Variants in RUNX1 observed in about 807,000 individuals in gnomAD.
The protein encoded by RUNX1 is RUNX family transcription factor 1, also known as runt-related transcription factor 1.
RUNX1 carries 19 observed loss-of-function variants against 42.8 expected under a neutral mutation model. The observed-to-expected ratio is 0.44, with a 90% CI of 0.31 to 0.65. The LOEUF is 0.65. Among genes scored for constraint, RUNX1 ranks in the 30% least tolerant of loss-of-function variants. The probability of loss-of-function intolerance (pLI) is 0.07; values close to 1 mark genes in which losing one functional copy is unlikely to be tolerated. For synonymous variants in RUNX1, 271 were observed against 289.4 expected, an observed-to-expected ratio of 0.94 and a Z score of 0.64; for missense variants, 528 against 672.0, an observed-to-expected ratio of 0.79 and a Z score of 2.37.
chr21:34,949,552 T>C (rs2058591189), intron 2 of RUNX1, among the ~76,000 whole-genome samples: 1 of 152,218 alleles, frequency 6.6e-6, no homozygotes, highest in African/African-American at 2.4e-5. Flanking sequence ...AACCTACCAG[T>C]GGAATGAGGC....
At chr21:34,932,570 T>A (rs1051967048) in intron 2 of RUNX1, among the ~76,000 whole-genome samples, 5 of 152,102 alleles carry the variant, frequency 3.3e-5, no homozygotes, top group African/African-American at 1.2e-4. Context: ...TATTGAGGAG[T>A]CCATTATGTG....
At chr21:34,817,944 C>G (rs1411248593) in intron 7 of RUNX1, among the ~76,000 whole-genome samples, 1 of 152,164 alleles carries the variant, frequency 6.6e-6, no homozygotes, top group Non-Finnish European at 1.5e-5. Context: ...GTCCTGGTGG[C>G]CTGCTCTGTC....
At chr21:35,034,808 TG>T (rs1209761480) in intron 2 of RUNX1, among the ~76,000 whole-genome samples, 1 of 152,156 alleles carries the variant, frequency 6.6e-6, no homozygotes, top group Non-Finnish European at 1.5e-5. Context: ...ACCTTGACCA[TG>T]GGAGCTGAGT....
intron 2 of RUNX1, among the ~76,000 whole-genome samples, chr21:34,968,358 G>T (rs1465734151): frequency 6.6e-6 from 1 of 152,140 alleles, no homozygotes; most frequent in African/African-American, 2.4e-5. Context: ...CTTTGGCGTG[G>T]CCTCTGAAGA....
intron 5 of RUNX1, among the ~76,000 whole-genome samples, chr21:34,865,274 TTG>T (rs1555895656): frequency 7.8e-6 from 1 of 128,106 alleles, no homozygotes; most frequent in Non-Finnish European, 1.7e-5. Flanking sequence ...AGGAGGGGTT[TTG>T]TGCGTGTGTG....
chr21:34,866,762 T>C (rs1167851541), intron 5 of RUNX1, among the ~76,000 whole-genome samples: 1 of 152,230 alleles, frequency 6.6e-6, no homozygotes, highest in Admixed American at 6.5e-5. Flanking sequence ...GCGTACTGTA[T>C]ATACTTGTGT....
intron 6 of RUNX1, among the ~76,000 whole-genome samples, chr21:34,835,400 G>A (rs1257856080): frequency 2.0e-5 from 3 of 152,112 alleles, no homozygotes; most frequent in Admixed American, 6.5e-5. Flanking sequence ...CTGGTGGGAT[G>A]GGATGATGGG....
At chr21:34,886,732 G>T (rs2057994110) in intron 4 of RUNX1, 111 bp downstream of exon 4, 16 of 1,536,312 alleles carry the variant, frequency 1.0e-5, no homozygotes, top group Non-Finnish European at 1.4e-5. Context: ...CCGGGGCTGC[G>T]GGGGCCCCTT....
chr21:34,935,296 G>A (rs1304160529), intron 2 of RUNX1, among the ~76,000 whole-genome samples: 1 of 151,992 alleles, frequency 6.6e-6, no homozygotes, highest in Admixed American at 6.6e-5. Flanking sequence ...TCCTAACTGG[G>A]ATGTGGTTGG....
chr21:34,872,132 G>T (rs1480365961), intron 5 of RUNX1, among the ~76,000 whole-genome samples: 3 of 151,990 alleles, frequency 2.0e-5, no homozygotes, highest in Non-Finnish European at 4.4e-5. Context: ...GTGTGAGCCA[G>T]CATGCCCGGC....
At chr21:35,048,779 C>T in intron 2 of RUNX1, 63 bp downstream of exon 2, 1 of 1,392,626 alleles carries the variant, frequency 7.2e-7, no homozygotes, top group Non-Finnish European at 1.0e-6. Flanking sequence ...GTGAAACAAG[C>T]TGCCATTTCA....
At chr21:34,889,292 G>A (rs1336394746) in intron 3 of RUNX1, among the ~76,000 whole-genome samples, 1 of 152,094 alleles carries the variant, frequency 6.6e-6, no homozygotes, top group Non-Finnish European at 1.5e-5. Flanking sequence ...GGCAGCTGCG[G>A]CGAAGCGGCG....
intron 2 of RUNX1, among the ~76,000 whole-genome samples, chr21:35,039,155 T>G (rs2059339537): frequency 6.6e-6 from 1 of 152,200 alleles, no homozygotes; most frequent in Non-Finnish European, 1.5e-5. Context: ...TGCAAAGGAT[T>G]GTGGTATCTG....
At chr21:34,896,403 C>G (rs930426503) in intron 2 of RUNX1, among the ~76,000 whole-genome samples, 2 of 152,160 alleles carry the variant, frequency 1.3e-5, no homozygotes, top group Non-Finnish European at 2.9e-5. Context: ...GAAAATGCAG[C>G]CGGGCATGGT....
At chr21:34,857,809 G>A (rs1325966434) in intron 6 of RUNX1, among the ~76,000 whole-genome samples, 1 of 152,176 alleles carries the variant, frequency 6.6e-6, no homozygotes, top group Non-Finnish European at 1.5e-5. Flanking sequence ...GAATGTCCAG[G>A]TTGACATTCC....
At chr21:34,973,872 G>C (rs1033741151) in intron 2 of RUNX1, among the ~76,000 whole-genome samples, 3 of 152,094 alleles carry the variant, frequency 2.0e-5, no homozygotes, top group Non-Finnish European at 4.4e-5. Flanking sequence ...TGATATGATG[G>C]CTTTATCTAC....
At chr21:34,879,209 TACA>T (rs1333172079) in intron 5 of RUNX1, among the ~76,000 whole-genome samples, 4 of 152,246 alleles carry the variant, frequency 2.6e-5, no homozygotes, top group African/African-American at 4.8e-5. Context: ...GGACTTTTAA[TACA>T]ACAAGTGAAC....
chr21:35,010,030 C>A (rs1011538734), intron 2 of RUNX1, among the ~76,000 whole-genome samples: 7 of 152,106 alleles, frequency 4.6e-5, no homozygotes, highest in African/African-American at 1.7e-4. Context: ...TCACACAGAA[C>A]TGCATAGAAA....
chr21:34,955,712 G>A (rs1264175080), intron 2 of RUNX1, among the ~76,000 whole-genome samples: 5 of 152,188 alleles, frequency 3.3e-5, no homozygotes, highest in African/African-American at 9.7e-5. Context: ...ATGGAAATGC[G>A]TTAATGAGCA....
Sources: gnomAD v4.1 joint callset for allele counts (sites outside exome capture counted in the v4.1 genomes callset) on GRCh38, gnomAD v4.1.1 for gene constraint, MANE v1.5 for transcripts, NCBI Gene and HGNC (gene_info 2026-07-23, HGNC 2026-07-21) for gene names.